The following CHST8 variants were observed in gnomAD, a reference collection of about 807,000 sequenced individuals.
CHST8 encodes the protein carbohydrate sulfotransferase 8, also known as GALNAC-4-ST1.
A neutral mutation model predicts 15.0 loss-of-function variants in CHST8; 10 were observed. The observed-to-expected ratio is 0.67, with a 90% CI of 0.41 to 1.13. The LOEUF is 1.13. Among genes scored for constraint, CHST8 ranks in the 50% most tolerant of loss-of-function variants. CHST8 has a pLI of 0.00. For synonymous variants in CHST8, 259 were observed against 256.6 expected, an observed-to-expected ratio of 1.01 and a Z score of -0.09; for missense variants, 634 against 608.2, an observed-to-expected ratio of 1.04 and a Z score of -0.45.
In CHST8 at chr19:33,747,408, C is replaced by A. The variant is rs148475991; in HGVS notation, c.131-24005C>A. ...TGCAACCCATTCACATGCTGGTAAA[C>A]CCCTTCTCCAGGGAGGAAGAGAATA... On this transcript the variant is annotated intron_variant, in intron 3 of 4. Coordinates refer to ENST00000650847, the MANE Select transcript of CHST8 (RefSeq NM_001127895.2). 4.4e-3 allele frequency among the ~76,000 whole-genome samples: 672 copies of A among 152,292 alleles called. 6 individuals are homozygous for A. The highest frequency in any genetic ancestry group is 6.3e-3 in the Non-Finnish European group (426 of 68,030).
intron 3 of CHST8, among the ~76,000 whole-genome samples, chr19:33,741,610 G>T (rs758447094): frequency 6.6e-6 from 1 of 152,086 alleles, no homozygotes; most frequent in Non-Finnish European, 1.5e-5. Context: ...TGGGACTTGC[G>T]TGTCTTTTGT....
At chr19:33,716,104 G>A (rs947009263) in intron 3 of CHST8, among the ~76,000 whole-genome samples, 4 of 152,264 alleles carry the variant, frequency 2.6e-5, no homozygotes, top group East Asian at 1.9e-4. Flanking sequence ...TTTCCATATC[G>A]AGACGGATTT....
chr19:33,735,579 C>T (rs987505982), intron 3 of CHST8, among the ~76,000 whole-genome samples: 2 of 152,234 alleles, frequency 1.3e-5, no homozygotes, highest in African/African-American at 4.8e-5. Context: ...GTAATCCCAG[C>T]ACTTTGGGAG....
intron 1 of CHST8, among the ~76,000 whole-genome samples, chr19:33,636,293 G>A (rs1972200212): frequency 6.6e-6 from 1 of 152,174 alleles, no homozygotes; most frequent in South Asian, 2.1e-4. Flanking sequence ...TCATAAAGAT[G>A]CATGCTTGAC....
chr19:33,690,657 C>T (rs530876681), intron 3 of CHST8, among the ~76,000 whole-genome samples: 113 of 152,312 alleles, frequency 7.4e-4, no homozygotes, highest in African/African-American at 2.7e-3. Flanking sequence ...TGTGCCGGGC[C>T]CCCACAGGTG....
At chr19:33,670,369 GA>G (rs1391266719) in intron 2 of CHST8, among the ~76,000 whole-genome samples, 9 of 152,288 alleles carry the variant, frequency 5.9e-5, no homozygotes, top group Non-Finnish European at 8.8e-5. Flanking sequence ...AATCATCTGA[GA>G]AAAGACCAAC....
At chr19:33,653,143 A>G (rs1487959600) in intron 1 of CHST8, among the ~76,000 whole-genome samples, 4 of 152,148 alleles carry the variant, frequency 2.6e-5, no homozygotes, top group Admixed American at 1.3e-4. Flanking sequence ...TCTGTTTTCA[A>G]CTGCCTCACA....
At chr19:33,740,988 G>A (rs1468090524) in intron 3 of CHST8, among the ~76,000 whole-genome samples, 1 of 152,186 alleles carries the variant, frequency 6.6e-6, no homozygotes, top group African/African-American at 2.4e-5. Flanking sequence ...GGGTATCATT[G>A]GGAGCTGTCC....
chr19:33,638,075 G>A (rs1217785725), intron 1 of CHST8, among the ~76,000 whole-genome samples: 1 of 152,030 alleles, frequency 6.6e-6, no homozygotes, highest in East Asian at 1.9e-4. Context: ...GATCTTCCCT[G>A]CATAGCTCTC....
intron 1 of CHST8, among the ~76,000 whole-genome samples, chr19:33,667,059 G>A (rs538950781): frequency 4.7e-4 from 71 of 152,304 alleles, no homozygotes; most frequent in African/African-American, 1.6e-3. Flanking sequence ...TCACAGGCGT[G>A]TGTATGCATC....
intron 1 of CHST8, among the ~76,000 whole-genome samples, chr19:33,657,156 C>CAA (rs1555712526): frequency 2.7e-4 from 39 of 146,520 alleles, no homozygotes; most frequent in Admixed American, 1.8e-3. Flanking sequence ...CACACACACA[C>CAA]AAACACACAT....
At chr19:33,643,092 A>G (rs1338787435) in intron 1 of CHST8, among the ~76,000 whole-genome samples, 3 of 152,228 alleles carry the variant, frequency 2.0e-5, no homozygotes, top group African/African-American at 7.2e-5. Flanking sequence ...CCATCCCAGC[A>G]TAAATTCCTA....
At chr19:33,671,311 G>T (rs1020886202) in intron 2 of CHST8, among the ~76,000 whole-genome samples, 1 of 152,130 alleles carries the variant, frequency 6.6e-6, no homozygotes, top group Non-Finnish European at 1.5e-5. Flanking sequence ...CATGAGAATG[G>T]TGGACAGATT....
At chr19:33,643,191 G>A (rs536554451) in intron 1 of CHST8, among the ~76,000 whole-genome samples, 2 of 152,298 alleles carry the variant, frequency 1.3e-5, no homozygotes, top group South Asian at 2.1e-4. Flanking sequence ...ACCAAGCGGT[G>A]CGTGAGCGGG....
intron 3 of CHST8, among the ~76,000 whole-genome samples, chr19:33,757,184 G>A (rs1974562685): frequency 6.6e-6 from 1 of 151,832 alleles, no homozygotes; most frequent in Non-Finnish European, 1.5e-5. Flanking sequence ...GAGCCCAGGA[G>A]TTCAAGACCA....
chr19:33,737,505 T>C (rs1448125836), intron 3 of CHST8, among the ~76,000 whole-genome samples: 1 of 152,010 alleles, frequency 6.6e-6, no homozygotes, highest in African/African-American at 2.4e-5. Flanking sequence ...GGCTATTAGG[T>C]CCTAATTGTC....
chr19:33,650,029 G>T (rs1001815853), intron 1 of CHST8, among the ~76,000 whole-genome samples: 3 of 152,134 alleles, frequency 2.0e-5, no homozygotes, highest in Admixed American at 6.6e-5. Flanking sequence ...CATGGCCTTA[G>T]GTAATGTTTA....
At chr19:33,726,211 T>A (rs1973895566) in intron 3 of CHST8, among the ~76,000 whole-genome samples, 1 of 152,148 alleles carries the variant, frequency 6.6e-6, no homozygotes, top group Admixed American at 6.5e-5. Context: ...GGCCAGCCAG[T>A]CACATACCAG....
At chr19:33,704,766 C>T (rs182643751) in intron 3 of CHST8, among the ~76,000 whole-genome samples, 9 of 152,070 alleles carry the variant, frequency 5.9e-5, no homozygotes, top group African/African-American at 1.2e-4. Context: ...AAAATTTAGC[C>T]GGAGTTGGTG....
Sources: gnomAD v4.1 joint callset for allele counts (sites outside exome capture counted in the v4.1 genomes callset) on GRCh38, gnomAD v4.1.1 for gene constraint, MANE v1.5 for transcripts, NCBI Gene and HGNC (gene_info 2026-07-23, HGNC 2026-07-21) for gene names.